TXNRD1: variants seen among roughly 807,000 people sequenced by gnomAD.
TXNRD1 encodes the protein thioredoxin reductase 1.
TXNRD1 carries 57 observed loss-of-function variants against 80.3 expected under a neutral mutation model. The ratio of observed to expected loss-of-function variants is 0.71; its 90% CI spans 0.57 to 0.89. The LOEUF (loss-of-function observed/expected upper bound fraction) is 0.89. TXNRD1 is among the 40% of genes least tolerant of loss of function. The pLI is 0.00. For missense variants in TXNRD1, 730 were observed against 803.0 expected, an observed-to-expected ratio of 0.91 and a Z score of 1.10; for synonymous variants, 291 against 285.2, an observed-to-expected ratio of 1.02 and a Z score of -0.20.
chr12:104,272,038 G>A (rs1182704374), intron 3 of TXNRD1, among the ~76,000 whole-genome samples: 4 of 152,124 alleles, frequency 2.6e-5, no homozygotes, highest in Admixed American at 1.3e-4. Flanking sequence ...ATGGTGGCGA[G>A]TGCCTGTAAT....
chr12:104,271,167 T>G (rs537996963), intron 3 of TXNRD1, among the ~76,000 whole-genome samples: 12 of 149,542 alleles, frequency 8.0e-5, no homozygotes, highest in African/African-American at 3.0e-4. Context: ...GGTGGTGGGA[T>G]TATCATTAGT....
intron 3 of TXNRD1, among the ~76,000 whole-genome samples, chr12:104,260,770 A>G (rs7310505): frequency 6.6e-6 from 1 of 151,954 alleles, no homozygotes; most frequent in Non-Finnish European, 1.5e-5. Context: ...GTCACTTGCA[A>G]CTTGCTGTGA....
intron 1 of TXNRD1, among the ~76,000 whole-genome samples, chr12:104,228,362 G>A (rs7966970): frequency 0.66 from 99,224 of 150,946 alleles, 33,151 homozygotes; most frequent in Non-Finnish European, 0.72. Context: ...GCCGGTTGTG[G>A]TGGCTTACTC....
intron 10 of TXNRD1, among the ~76,000 whole-genome samples, chr12:104,323,002 ACT>A (rs2035595458): frequency 7.7e-6 from 1 of 129,412 alleles, no homozygotes; most frequent in Admixed American, 7.7e-5. Flanking sequence ...AGTGGTGATG[ACT>A]CTTAACGAGC....
intron 1 of TXNRD1, among the ~76,000 whole-genome samples, chr12:104,242,547 T>TA (rs375560938): frequency 1.5e-4 from 22 of 143,088 alleles, no homozygotes; most frequent in East Asian, 6.1e-4. Context: ...AAACTCCGTC[T>TA]AAAAAAAAAA....
chr12:104,336,405 A>G (rs1189473170), intron 15 of TXNRD1, among the ~76,000 whole-genome samples: 2 of 152,326 alleles, frequency 1.3e-5, no homozygotes, highest in East Asian at 3.9e-4. Context: ...CTCTTTTGTC[A>G]TGAGTAATCT....
chr12:104,337,991 C>T (rs1030633101), intron 15 of TXNRD1, among the ~76,000 whole-genome samples: 3 of 139,412 alleles, frequency 2.2e-5, no homozygotes, highest in Admixed American at 1.5e-4. Context: ...GGGACAGAGT[C>T]TCCCTATGTT....
At position 104,342,168 on chromosome 12, in the gene TXNRD1, A is replaced by G. The variant is rs1457737633; in HGVS notation, c.1881+2895A>G. ...ATCATTGGCCATTGGTAATTACCCAATCTCCTGCTCCCTCCCCAGATGTAG... is the reference window on the plus strand; with the variant it reads ...ATCATTGGCCATTGGTAATTACCCAGTCTCCTGCTCCCTCCCCAGATGTAG... On this transcript the variant is annotated intron_variant, in intron 16 of 16. Transcript: ENST00000525566. Among the ~76,000 whole-genome samples, 5 of 152,176 alleles carry G rather than the reference A, an allele frequency of 3.3e-5. No homozygotes were observed. In the South Asian group the frequency reaches 8.3e-4, roughly 25 times the overall value.
At chr12:104,253,549 A>T (rs1374482408) in intron 2 of TXNRD1, among the ~76,000 whole-genome samples, 1 of 152,128 alleles carries the variant, frequency 6.6e-6, no homozygotes, top group Non-Finnish European at 1.5e-5. Context: ...TCTGCTATGT[A>T]ATTCTTGGCC....
Position 104,325,330 on chromosome 12 carries a change from C to T in TXNRD1, c.1216-7C>T. ...TATTTCACAGTAAAACTTTATCACT[C>T]TTACAGGTTGAACAAATTGAAGCAG... is the stretch of plus-strand genomic sequence containing the variant. On this transcript the variant is annotated splice_polypyrimidine_tract_variant and splice_region_variant and intron_variant, in intron 10 of 16. Coordinates refer to ENST00000525566, the MANE Select transcript of TXNRD1 (RefSeq NM_001093771.3). 2.5e-6 allele frequency: 4 copies of T among 1,606,676 alleles called. No individual in the cohort carries two copies. The highest frequency in any genetic ancestry group is 3.4e-6 in the Non-Finnish European group (4 of 1,174,426).
intron 1 of TXNRD1, among the ~76,000 whole-genome samples, chr12:104,238,945 C>T (rs1360280380): frequency 6.6e-6 from 1 of 151,974 alleles, no homozygotes; most frequent in Non-Finnish European, 1.5e-5. Context: ...CTCCCGGGTT[C>T]AAGTGATTCT....
intron 13 of TXNRD1, among the ~76,000 whole-genome samples, chr12:104,328,484 C>T (rs926473689): frequency 3.3e-5 from 5 of 152,022 alleles, no homozygotes; most frequent in East Asian, 1.9e-4. Flanking sequence ...AGGCCAGGTG[C>T]GTTGGCTCAT....
chr12:104,318,922 A>G lies in TXNRD1; in HGVS notation c.740A>G (p.Asp247Gly), dbSNP rs1238364284. 6.2e-7 allele frequency: 1 copy of G among 1,611,402 alleles called. No individual in the cohort carries two copies. Among genetic ancestry groups the G allele is most frequent in the East Asian group, 2.2e-5 (1 of 44,858 alleles). ...GWKVEETVKH[D>G]WDRMIEAVQN... is the part of the protein sequence containing the mutation. ...TTATTTTCTTATACAGTTAAGCATGATTGGGACAGAATGATAGAAGCTGTA... is the reference window on the plus strand; with the variant it reads ...TTATTTTCTTATACAGTTAAGCATGGTTGGGACAGAATGATAGAAGCTGTA... The change falls in exon 8 of 17, where the codon GAT (aspartate) becomes GGT (glycine). Residue 247 changes from aspartate (D) to glycine (G), a missense_variant. Physicochemically the swap from Asp to Gly is moderately conservative, Grantham distance 94 (BLOSUM62 -1). Transcript: ENST00000525566.
intron 3 of TXNRD1, among the ~76,000 whole-genome samples, chr12:104,278,501 A>AT (rs34336501): frequency 0.22 from 23,233 of 105,110 alleles, 3,477 homozygotes; most frequent in Non-Finnish European, 0.3. Context: ...GCCCAGCCTA[A>AT]TTTTTTTTTT....
intron 1 of TXNRD1, among the ~76,000 whole-genome samples, chr12:104,217,987 C>T (rs754820083): frequency 1.2e-4 from 18 of 150,542 alleles, no homozygotes; most frequent in Admixed American, 2.7e-4. Context: ...CACATATATA[C>T]ACACACACAC....
chr12:104,289,342 T>G, intron 4 of TXNRD1: 2 of 257,350 alleles, frequency 7.8e-6, no homozygotes, highest in Non-Finnish European at 1.5e-5. Context: ...GTAAATAACA[T>G]TTTTTAGCAG....
At position 104,327,494 on chromosome 12, in the gene TXNRD1, T is replaced by C; in HGVS notation, c.1386-21T>C. On this transcript the variant is annotated intron_variant, in intron 12 of 16. Transcript: ENST00000525566. ...TTAATAATGGTAATTAATGATGATT[T>C]TTAACTGAATAAAATTGCAGGACTG... The C allele has an allele frequency of 3.1e-6, 5 of 1,597,654 alleles. No homozygotes were observed. In the South Asian group the frequency reaches 5.6e-5, roughly 18 times the overall value.
At chr12:104,312,430 A>G (rs1593815224) in intron 5 of TXNRD1, among the ~76,000 whole-genome samples, 1 of 152,230 alleles carries the variant, frequency 6.6e-6, no homozygotes, top group African/African-American at 2.4e-5. Context: ...CTTGTGCTGA[A>G]TCAGTAATGG....
In TXNRD1 at chr12:104,349,761, C is replaced by G. The variant is rs919754237; in HGVS notation, c.*1340C>G. 6.6e-6 allele frequency: 1 copy of G among 152,410 alleles called. No individual in the cohort carries two copies. The highest frequency in any genetic ancestry group is 1.5e-5 in the Non-Finnish European group (1 of 68,056). 9.4% of individuals were successfully genotyped at this position (152,410 alleles called of 1,614,324 possible). A position where few individuals can be genotyped will look rare whatever the true frequency, so the allele number is the denominator to read the frequency against. ...GGCCTCCTGCCAGCAGTTCTTGAAG[C>G]TTCTTTTTCATTCCTGCTACTCTAC... On this transcript the variant is annotated 3_prime_UTR_variant, in exon 17 of 17. Coordinates refer to ENST00000525566, the MANE Select transcript of TXNRD1 (RefSeq NM_001093771.3).
Sources: allele counts gnomAD v4.1 joint callset (sites outside exome capture counted in the v4.1 genomes callset), GRCh38; gene constraint gnomAD v4.1.1; transcripts MANE v1.5; gene names NCBI Gene and HGNC (gene_info 2026-07-23, HGNC 2026-07-21).